Variants in SLC7A2 observed in about 807,000 individuals in gnomAD.
The protein encoded by SLC7A2 is solute carrier family 7 member 2.
A neutral mutation model predicts 58.9 loss-of-function variants in SLC7A2; 48 were observed. The ratio of observed to expected loss-of-function variants is 0.82; its 90% CI spans 0.65 to 1.04. The LOEUF is 1.04. SLC7A2 is among the 50% of genes least tolerant of loss of function. SLC7A2 has a pLI of 0.00. For missense variants in SLC7A2, 1,029 were observed against 818.8 expected (o/e 1.26, Z -3.13); for synonymous variants, 363 against 314.5 (o/e 1.15, Z -1.63).
chr8:17,537,836 G>A (rs1446756101), intron 2 of SLC7A2, among the ~76,000 whole-genome samples: 1 of 152,184 alleles, frequency 6.6e-6, no homozygotes, highest in Non-Finnish European at 1.5e-5. Context: ...TGACTGGGCA[G>A]GGACTCCGGT....
chr8:17,553,776 G>A (rs976158537), intron 7 of SLC7A2, among the ~76,000 whole-genome samples: 15 of 152,046 alleles, frequency 9.9e-5, no homozygotes, highest in Admixed American at 3.3e-4. Context: ...AGTCCCTGTC[G>A]CAAATAAAAT....
chr8:17,514,083 G>A (rs918719478), intron 2 of SLC7A2, among the ~76,000 whole-genome samples: 1 of 152,132 alleles, frequency 6.6e-6, no homozygotes, highest in African/African-American at 2.4e-5. Context: ...TATATGGTCA[G>A]CCCTTATTGG....
intron 2 of SLC7A2, among the ~76,000 whole-genome samples, chr8:17,536,467 G>C (rs1183040986): frequency 1.3e-5 from 2 of 152,120 alleles, no homozygotes; most frequent in African/African-American, 4.8e-5. Context: ...GGGAGGCTGA[G>C]GCAGGAGGAT....
chr8:17,525,819 C>G (rs1801200460), intron 2 of SLC7A2, among the ~76,000 whole-genome samples: 1 of 152,184 alleles, frequency 6.6e-6, no homozygotes, highest in Non-Finnish European at 1.5e-5. Flanking sequence ...GATTCTTAAA[C>G]AAACTTGGTC....
In SLC7A2 at chr8:17,560,442, A is replaced by G; in HGVS notation, c.1413A>G (p.Arg471=). 3.1e-6 allele frequency: 5 copies of G among 1,613,958 alleles called. No homozygotes were observed. Among genetic ancestry groups the G allele is most frequent in the Admixed American group, 1.7e-5 (1 of 60,020 alleles). Residue 471 remains arginine, a synonymous_variant, in exon 10 of 13, where the codon AGA becomes AGG. Coordinates refer to ENST00000494857, the MANE Select transcript of SLC7A2 (RefSeq NM_001370338.1). The part of the protein sequence containing the change: ...KSESQVTMLQ[R]QGFSMRTLFC... ...AGTCCCAGGTCACCATGCTGCAGAG[A>G]CAGGGCTTCAGCATGCGGACCCTCT...
Position 17,565,137 on chromosome 8 carries a change from T to C in SLC7A2, c.1968T>C (p.Ser656=). 6.2e-7 allele frequency: 1 copy of C among 1,612,410 alleles called. No individual in the cohort carries two copies. Among genetic ancestry groups the C allele is most frequent in the Non-Finnish European group, 8.5e-7 (1 of 1,179,012 alleles). ...SSPFIFHEKT[S]EF is the part of the protein sequence containing the mutation. ...CTTTCATATTCCATGAAAAGACAAG[T>C]GAATTCTAACACTTGCAGGAGCAGA... is the stretch of plus-strand genomic sequence containing the variant. The change falls in exon 13 of 13, where the codon AGT becomes AGC. Residue 656 remains serine (S), a synonymous_variant. Transcript: ENST00000494857.
Position 17,563,782 on chromosome 8 carries a change from C to G in SLC7A2, c.1780+71C>G, listed in dbSNP as rs1331200626. The G allele has an allele frequency of 4.4e-5, 39 of 877,194 alleles. No individual in the cohort carries two copies. In the South Asian group the frequency reaches 5.0e-4, roughly 11 times the overall value. 54.3% of individuals were successfully genotyped at this position (877,194 alleles called of 1,614,324 possible). A position where few individuals can be genotyped will look rare whatever the true frequency, so the allele number is the denominator to read the frequency against. ...GATGAGAGAAACATGCCCTCTCCCC[C>G]ATCCTGGGAATAAAGGCTTTTTTTT... is the stretch of plus-strand genomic sequence containing the variant. On this transcript the variant is annotated intron_variant, in intron 12 of 12. Coordinates refer to ENST00000494857, the MANE Select transcript of SLC7A2 (RefSeq NM_001370338.1).
chr8:17,552,098 A>T (rs771546260), intron 7 of SLC7A2, 112 bp downstream of exon 7: 5 of 729,738 alleles, frequency 6.9e-6, no homozygotes, highest in Non-Finnish European at 9.2e-6. Context: ...ACAAAATATT[A>T]TGCAACTTTG....
At chr8:17,529,735 C>T (rs557212471) in intron 2 of SLC7A2, among the ~76,000 whole-genome samples, 1 of 152,106 alleles carries the variant, frequency 6.6e-6, no homozygotes, top group South Asian at 2.1e-4. Flanking sequence ...GGGTTTTACA[C>T]CATGTTAGCT....
At chr8:17,554,299 C>T (rs1339809911) in intron 7 of SLC7A2, among the ~76,000 whole-genome samples, 2 of 151,966 alleles carry the variant, frequency 1.3e-5, no homozygotes, top group Admixed American at 6.6e-5. Flanking sequence ...AAATTACTTG[C>T]AATATTGTTT....
intron 2 of SLC7A2, among the ~76,000 whole-genome samples, chr8:17,530,416 G>C (rs1230691903): frequency 6.6e-6 from 1 of 152,154 alleles, no homozygotes; most frequent in Non-Finnish European, 1.5e-5. Flanking sequence ...AGGGTAGTAG[G>C]AGGACAAACT....
At chr8:17,532,225 A>G (rs2023629) in intron 2 of SLC7A2, among the ~76,000 whole-genome samples, 1 of 78,536 alleles carries the variant, frequency 1.3e-5, no homozygotes, top group South Asian at 5.8e-4. Context: ...GCAAGACTCT[A>G]TCTCAAAAAA....
chr8:17,506,544 T>C (rs1053253954), intron 2 of SLC7A2, among the ~76,000 whole-genome samples: 1 of 152,160 alleles, frequency 6.6e-6, no homozygotes, highest in Non-Finnish European at 1.5e-5. Flanking sequence ...GGCACGGTGC[T>C]AGACGAATAT....
Position 17,569,684 on chromosome 8 carries a change from C to T in SLC7A2, c.*4538C>T, listed in dbSNP as rs564951233. On this transcript the variant is annotated 3_prime_UTR_variant, in exon 13 of 13. Transcript: ENST00000494857. Reference sequence around the variant, plus strand: ...ATATTCATTATTGTTTGTATATACACGGTTTAGTCTTACTGATTTCAAATG... The same window carrying T: ...ATATTCATTATTGTTTGTATATACATGGTTTAGTCTTACTGATTTCAAATG... The T allele has an allele frequency of 2.2e-4, 34 of 152,220 alleles. No individual in the cohort carries two copies. The highest frequency in any genetic ancestry group is 6.7e-4 in the African/African-American group (28 of 41,536). 9.4% of individuals were successfully genotyped at this position (152,220 alleles called of 1,614,324 possible). A position where few individuals can be genotyped will look rare whatever the true frequency, so the allele number is the denominator to read the frequency against.
chr8:17,548,548 GTAGAGGTAGATAGATGGA>G, intron 4 of SLC7A2, 112 bp from the exon 5 acceptor site: 1 of 661,290 alleles, frequency 1.5e-6, no homozygotes, highest in South Asian at 2.2e-5. Flanking sequence ...AGAACTAGCA[GTAGAGGTAGATAGATGGA>G]AATTAAAGAC....
intron 2 of SLC7A2, among the ~76,000 whole-genome samples, chr8:17,502,555 GA>G (rs1450112721): frequency 6.6e-6 from 1 of 152,158 alleles, no homozygotes. Flanking sequence ...AGATTTCCAT[GA>G]AGTTACGGAG....
chr8:17,565,049 C>A lies in SLC7A2; in HGVS notation c.1880C>A (p.Ala627Glu), dbSNP rs912098140. The A allele has an allele frequency of 8.1e-6, 13 of 1,613,634 alleles. No homozygotes were observed. The highest frequency in any genetic ancestry group is 1.1e-5 in the Non-Finnish European group (13 of 1,179,698). ...GATGCTTATCCAGACAACGTTCATG[C>A]AGCAGCAGAAGAAAAATCTGCCATT... Reference protein sequence around the residue: ...EEDAYPDNVHAAAEEKSAIQA... With the variant: ...EEDAYPDNVHEAAEEKSAIQA... Residue 627 changes from alanine (A) to glutamate (E), a missense_variant, in exon 13 of 13, where the codon GCA becomes GAA. Coordinates refer to ENST00000494857, the MANE Select transcript of SLC7A2 (RefSeq NM_001370338.1).
intron 2 of SLC7A2, among the ~76,000 whole-genome samples, chr8:17,513,324 G>T (rs1396929604): frequency 6.6e-5 from 10 of 151,638 alleles, no homozygotes; most frequent in Admixed American, 2.6e-4. Flanking sequence ...TATTTTCTGG[G>T]TTTTTTTTCT....
At chr8:17,499,617 C>T (rs1398841050) in intron 1 of SLC7A2, among the ~76,000 whole-genome samples, 1 of 150,548 alleles carries the variant, frequency 6.6e-6, no homozygotes, top group Non-Finnish European at 1.5e-5. Flanking sequence ...AGAACAAAAG[C>T]AAAAGCTTTC....
Sources: allele counts gnomAD v4.1 joint callset (sites outside exome capture counted in the v4.1 genomes callset), GRCh38; gene constraint gnomAD v4.1.1; transcripts MANE v1.5; gene names NCBI Gene and HGNC (gene_info 2026-07-23, HGNC 2026-07-21).